The following DIMT1 variants were observed in gnomAD, a reference collection of about 807,000 sequenced individuals.
DIMT1 encodes the protein dimethyladenosine transferase.
In DIMT1, 36 loss-of-function variants were observed where a neutral mutation model predicts 43.2. The observed-to-expected ratio is 0.83, with a 90% CI of 0.64 to 1.10. DIMT1 has a LOEUF of 1.10. DIMT1 is among the 50% of genes least tolerant of loss of function. The pLI is 0.00. For missense variants in DIMT1, 341 were observed against 385.3 expected, an observed-to-expected ratio of 0.88 and a Z score of 0.96; for synonymous variants, 126 against 130.3, an observed-to-expected ratio of 0.97 and a Z score of 0.22.
intron 3 of DIMT1, among the ~76,000 whole-genome samples, chr5:62,399,558 T>C (rs933658703): frequency 2.6e-5 from 4 of 151,294 alleles, no homozygotes; most frequent in Non-Finnish European, 4.4e-5. Flanking sequence ...GCAGGAGAAT[T>C]GCTTGAACCC....
Position 62,403,783 on chromosome 5 carries a change from A to T in DIMT1, c.-11T>A. 6.2e-7 allele frequency: 1 copy of T among 1,609,814 alleles called. No individual in the cohort carries two copies. The highest frequency in any genetic ancestry group is 8.5e-7 in the Non-Finnish European group (1 of 1,178,568). ...CTTGACCTTCGGCATCTCGGCAGAAAGCGGGCCCACAGGCCCGGGACGTCA... is the reference window on the plus strand; with the variant it reads ...CTTGACCTTCGGCATCTCGGCAGAATGCGGGCCCACAGGCCCGGGACGTCA... On this transcript the variant is annotated 5_prime_UTR_variant, in exon 1 of 12. Transcript: ENST00000199320.
chr5:62,401,537 T>A (rs1742702847), intron 3 of DIMT1, among the ~76,000 whole-genome samples: 1 of 146,346 alleles, frequency 6.8e-6, no homozygotes, highest in Admixed American at 6.8e-5. Flanking sequence ...TTGAAATACC[T>A]AATGTGGTTT....
intron 10 of DIMT1, chr5:62,391,722 T>C: frequency 7.6e-7 from 1 of 1,315,674 alleles, no homozygotes; most frequent in Non-Finnish European, 9.7e-7. Flanking sequence ...AGAAATCTGC[T>C]ATTGAGCCAT....
At chr5:62,393,447 A>C (rs1196482564) in intron 8 of DIMT1, among the ~76,000 whole-genome samples, 1 of 152,138 alleles carries the variant, frequency 6.6e-6, no homozygotes, top group African/African-American at 2.4e-5. Context: ...CGTTTATTTA[A>C]ATCTAAGTAT....
At position 62,388,043 on chromosome 5, in the gene DIMT1, G is replaced by GACTT. The variant is rs367891818; in HGVS notation, c.*963_*966dup. ...TATTAACAGCACTTAGTATTATATT[G>GACTT]ACTTAAACATAGTAGCTAATAAAAC... On this transcript the variant is annotated 3_prime_UTR_variant, in exon 12 of 12. Transcript: ENST00000199320. 12 of 151,902 alleles carry GACTT rather than the reference G, an allele frequency of 7.9e-5. No homozygotes were observed. Among genetic ancestry groups the GACTT allele is most frequent in the African/African-American group, 2.9e-4 (12 of 41,350 alleles). 9.4% of individuals were successfully genotyped at this position (151,902 alleles called of 1,614,324 possible).
rs751631127 is a variant in DIMT1, at chr5:62,394,531, G to A, written c.523C>T (p.Leu175Phe). 2.5e-6 allele frequency: 4 copies of A among 1,614,080 alleles called. No individual in the cohort carries two copies. The highest frequency in any genetic ancestry group is 1.7e-5 in the Admixed American group (1 of 60,000). ...GCCAACAGCTGTGTATTAATTGAGAGTCTGCAGTATAACTTATCTCCAGGT... is the reference window on the plus strand; with the variant it reads ...GCCAACAGCTGTGTATTAATTGAGAATCTGCAGTATAACTTATCTCCAGGT... Reference protein sequence around the residue: ...AKPGDKLYCRLSINTQLLARV... With the variant: ...AKPGDKLYCRFSINTQLLARV... The change falls in exon 7 of 12, where the codon CTC becomes TTC. Residue 175 changes from leucine (L) to phenylalanine (F), a missense_variant. By Grantham distance (22) the Leu-to-Phe change is conservative. Coordinates refer to ENST00000199320, the MANE Select transcript of DIMT1 (RefSeq NM_014473.4).
Position 62,401,895 on chromosome 5 carries a change from T to A in DIMT1, c.240+141A>T, listed in dbSNP as rs1742721725. The A allele has an allele frequency of 7.2e-6, 6 of 835,856 alleles. No individual in the cohort carries two copies. The Admixed American group carries it at 1.7e-4, about 24-fold the overall frequency. 51.8% of individuals were successfully genotyped at this position (835,856 alleles called of 1,614,324 possible). The stretch of plus-strand genomic sequence containing the variant: ...CGCGCCTGGCTGAAATATCTCATAT[T>A]TTCTAAGACAAAATTTCCAACAAGG... On this transcript the variant is annotated intron_variant, in intron 3 of 11. Coordinates refer to ENST00000199320, the MANE Select transcript of DIMT1 (RefSeq NM_014473.4).
At chr5:62,396,104 C>A (rs1035467334) in intron 6 of DIMT1, among the ~76,000 whole-genome samples, 1 of 138,564 alleles carries the variant, frequency 7.2e-6, no homozygotes, top group South Asian at 2.3e-4. Context: ...ATCAAAAAAA[C>A]TGAGGCTCTG....
At chr5:62,398,386 TCAACA>T in intron 6 of DIMT1, 120 bp downstream of exon 6, 1 of 936,418 alleles carries the variant, frequency 1.1e-6, no homozygotes, top group South Asian at 1.5e-5. Context: ...TCCATACAAA[TCAACA>T]TTTTCTACAA....
intron 7 of DIMT1, 114 bp downstream of exon 7, chr5:62,394,367 CGAG>C (rs1742408584): frequency 2.6e-6 from 3 of 1,134,566 alleles, no homozygotes; most frequent in Non-Finnish European, 3.9e-6. Context: ...ACTCGGGACT[CGAG>C]AAGATTGCTT....
At chr5:62,396,906 T>A (rs1189521500) in intron 6 of DIMT1, among the ~76,000 whole-genome samples, 1 of 152,202 alleles carries the variant, frequency 6.6e-6, no homozygotes, top group Non-Finnish European at 1.5e-5. Context: ...ATATTTCATC[T>A]CCATTACAAT....
chr5:62,389,198 G>A lies in DIMT1; in HGVS notation c.900-146C>T, dbSNP rs747492201. On this transcript the variant is annotated intron_variant, in intron 11 of 11. Coordinates refer to ENST00000199320, the MANE Select transcript of DIMT1 (RefSeq NM_014473.4). ...TCCTAATACTAGTTATTAAAGAAAC[G>A]TTACTGGCTGGGCGCAGTGGCTTAT... 2.0e-5 allele frequency: 14 copies of A among 691,398 alleles called. No individual in the cohort carries two copies. The Admixed American group carries it at 2.4e-4, about 12-fold the overall frequency. 42.8% of individuals were successfully genotyped at this position (691,398 alleles called of 1,614,324 possible).
Position 62,393,831 on chromosome 5 carries a change from T to C in DIMT1, c.663+124A>G. 5.0e-6 allele frequency: 4 copies of C among 803,496 alleles called. No individual in the cohort carries two copies. In the South Asian group the frequency reaches 8.4e-5, roughly 17 times the overall value. 49.8% of individuals were successfully genotyped at this position (803,496 alleles called of 1,614,324 possible). A position where few individuals can be genotyped will look rare whatever the true frequency, so the allele number is the denominator to read the frequency against. ...TCTACTTCAGCACAGGGATGTGTCC[T>C]AATTAACATTTTCCTATGTTTGAAT... On this transcript the variant is annotated intron_variant, in intron 8 of 11. Coordinates refer to ENST00000199320, the MANE Select transcript of DIMT1 (RefSeq NM_014473.4).
At chr5:62,392,475 TAG>T (rs1284498091) in intron 9 of DIMT1, among the ~76,000 whole-genome samples, 1 of 151,704 alleles carries the variant, frequency 6.6e-6, no homozygotes. Flanking sequence ...CTTAAATTCT[TAG>T]AGAAGTTCTA....
At chr5:62,397,895 G>C (rs369122033) in intron 6 of DIMT1, among the ~76,000 whole-genome samples, 6 of 152,252 alleles carry the variant, frequency 3.9e-5, no homozygotes, top group South Asian at 4.1e-4. Flanking sequence ...TGATCCGCCT[G>C]CCTTGGCCTC....
In DIMT1 at chr5:62,394,540, A is replaced by G. The variant is rs200556696; in HGVS notation, c.514T>C (p.Tyr172His). 98 of 1,614,126 alleles carry G rather than the reference A, an allele frequency of 6.1e-5. No individual in the cohort carries two copies. Among genetic ancestry groups the G allele is most frequent in the Admixed American group, 1.7e-5 (1 of 60,014 alleles). ...RLVAKPGDKL[Y>H]CRLSINTQLL... is the part of the protein sequence containing the mutation. ...TGTGTATTAATTGAGAGTCTGCAGTATAACTTATCTCCAGGTTTTGCAACC... is the reference window on the plus strand; with the variant it reads ...TGTGTATTAATTGAGAGTCTGCAGTGTAACTTATCTCCAGGTTTTGCAACC... Residue 172 changes from tyrosine to histidine, a missense_variant, in exon 7 of 12, where the codon TAC becomes CAC. By Grantham distance (83) the Tyr-to-His change is moderately conservative. Transcript: ENST00000199320.
At position 62,388,926 on chromosome 5, in the gene DIMT1, A is replaced by G. The variant is rs1383937966; in HGVS notation, c.*84T>C. 3.9e-6 allele frequency: 5 copies of G among 1,294,216 alleles called. No homozygotes were observed. The highest frequency in any genetic ancestry group is 5.5e-6 in the Non-Finnish European group (5 of 911,524). 80.2% of individuals were successfully genotyped at this position (1,294,216 alleles called of 1,614,324 possible). A position where few individuals can be genotyped will look rare whatever the true frequency, so the allele number is the denominator to read the frequency against. ...TAGTCAAGTAAATAATGTCTCAGTAAAGCAAAAGCATTATCTTCTCAAATA... is the reference window on the plus strand; with the variant it reads ...TAGTCAAGTAAATAATGTCTCAGTAGAGCAAAAGCATTATCTTCTCAAATA... On this transcript the variant is annotated 3_prime_UTR_variant, in exon 12 of 12. Transcript: ENST00000199320.
chr5:62,396,449 A>G (rs1742500327), intron 6 of DIMT1, among the ~76,000 whole-genome samples: 1 of 152,148 alleles, frequency 6.6e-6, no homozygotes, highest in Admixed American at 6.5e-5. Context: ...TGGAGGCTGC[A>G]GTGAGTGCAG....
chr5:62,397,855 A>T (rs1742553478), intron 6 of DIMT1, among the ~76,000 whole-genome samples: 1 of 152,110 alleles, frequency 6.6e-6, no homozygotes, highest in Non-Finnish European at 1.5e-5. Context: ...TCACCATGTT[A>T]GCCAGGATGG....
Sources: gnomAD v4.1 joint callset for allele counts (sites outside exome capture counted in the v4.1 genomes callset) on GRCh38, gnomAD v4.1.1 for gene constraint, MANE v1.5 for transcripts, NCBI Gene and HGNC (gene_info 2026-07-23, HGNC 2026-07-21) for gene names.